The following TGFBR3 variants were observed in gnomAD, a reference collection of about 807,000 sequenced individuals.
TGFBR3 encodes the protein transforming growth factor beta receptor type 3.
A neutral mutation model predicts 87.9 loss-of-function variants in TGFBR3; 46 were observed. The ratio of observed to expected loss-of-function variants is 0.52; its 90% confidence interval spans 0.41 to 0.67. TGFBR3 has a LOEUF of 0.67. Ranked by LOEUF, TGFBR3 falls within the 30% of genes least tolerant of loss-of-function variation. TGFBR3 has a pLI of 0.00. For missense variants in TGFBR3, 866 were observed against 1,041.9 expected, an observed-to-expected ratio of 0.83 and a Z score of 2.32; for synonymous variants, 381 against 391.6, an observed-to-expected ratio of 0.97 and a Z score of 0.32.
At chr1:91,847,692 T>C (rs767919921) in intron 2 of TGFBR3, among the ~76,000 whole-genome samples, 3 of 150,828 alleles carry the variant, frequency 2.0e-5, no homozygotes, top group Admixed American at 6.6e-5. Context: ...AAATGAGGTA[T>C]ACCCAACTTT....
chr1:91,885,865 G>C lies in TGFBR3; in HGVS notation c.-114+13C>G, dbSNP rs185517090. 1,045 of 364,104 alleles carry C rather than the reference G, an allele frequency of 2.9e-3. 18 individuals carry two copies. The highest frequency in any genetic ancestry group is 0.021 in the African/African-American group (976 of 45,630). The allele number at this position is 364,104 out of a possible 1,614,324, so 22.6% of individuals were successfully genotyped here. On this transcript the variant is annotated intron_variant, in intron 1 of 16. Coordinates refer to ENST00000212355, the MANE Select transcript of TGFBR3 (RefSeq NM_003243.5). ...GGCGGGCTGCAGCGCCGCGGGGCTG[G>C]GCCGGCACGTACCTCGGAGGCGGTG...
intron 2 of TGFBR3, among the ~76,000 whole-genome samples, chr1:91,895,789 ACT>A (rs1313208262): frequency 1.3e-5 from 2 of 152,032 alleles, no homozygotes; most frequent in Admixed American, 1.3e-4. Context: ...AAAAAACTCA[ACT>A]CTTGATTCTT....
At chr1:91,833,934 CT>C (rs1477203730) in intron 2 of TGFBR3, among the ~76,000 whole-genome samples, 2 of 152,116 alleles carry the variant, frequency 1.3e-5, no homozygotes, top group East Asian at 1.9e-4. Context: ...TCCAGATTTC[CT>C]TAATCATCTG....
chr1:91,690,735 C>G (rs888208690), intron 16 of TGFBR3, among the ~76,000 whole-genome samples: 3 of 151,928 alleles, frequency 2.0e-5, no homozygotes, highest in Non-Finnish European at 4.4e-5. Context: ...AACAGCCAGT[C>G]CTATACCTTT....
intron 4 of TGFBR3, among the ~76,000 whole-genome samples, chr1:91,755,403 T>C (rs1267206695): frequency 6.6e-6 from 1 of 152,098 alleles, no homozygotes; most frequent in Non-Finnish European, 1.5e-5. Flanking sequence ...GAACAACAGA[T>C]GTTCCATCGT....
intron 1 of TGFBR3, among the ~76,000 whole-genome samples, chr1:91,904,857 C>T (rs538965845): frequency 6.8e-4 from 104 of 152,016 alleles, no homozygotes; most frequent in African/African-American, 2.3e-3. Flanking sequence ...TGAGCCACCG[C>T]GCCCGGCCTA....
At chr1:91,866,306 C>T (rs1678394967) in intron 1 of TGFBR3, among the ~76,000 whole-genome samples, 1 of 152,200 alleles carries the variant, frequency 6.6e-6, no homozygotes, top group African/African-American at 2.4e-5. Context: ...CTAACATGGC[C>T]TGGCTACATC....
rs781041296 is a variant in TGFBR3 at position 91,861,501 on chromosome 1, C to A, written c.31G>T (p.Ala11Ser). The change falls in exon 2 of 17, where the codon GCC becomes TCC. Residue 11 changes from alanine to serine, a missense_variant. Transcript: ENST00000212355. ...GTGGCTAAACAGGAGCTCATCAGGGCAAAGATGGCAATCACATAATGGGAA... is the reference window on the plus strand; with the variant it reads ...GTGGCTAAACAGGAGCTCATCAGGGAAAAGATGGCAATCACATAATGGGAA... Reference protein sequence around the residue: MTSHYVIAIFALMSSCLATAG... With the variant: MTSHYVIAIFSLMSSCLATAG... 1.2e-6 allele frequency: 2 copies of A among 1,613,754 alleles called. No homozygotes were observed. The highest frequency in any genetic ancestry group is 1.7e-5 in the Admixed American group (1 of 60,000).
At chr1:91,887,262 T>TTTTTTTTG (rs1165045165), upstream of TGFBR3, among the ~76,000 whole-genome samples, 52 of 125,268 alleles carry the variant, frequency 4.2e-4, 4 homozygotes, top group African/African-American at 1.7e-3. Context: ...TTTTTTTTTT[T>TTTTTTTTG]TGAGATGGAG....
intron 13 of TGFBR3, among the ~76,000 whole-genome samples, chr1:91,710,630 A>T (rs1413655027): frequency 6.6e-6 from 1 of 152,240 alleles, no homozygotes; most frequent in Non-Finnish European, 1.5e-5. Flanking sequence ...ATAAGCAGCA[A>T]ACAGAAAGAC....
intron 4 of TGFBR3, 102 bp downstream of exon 4, chr1:91,758,511 A>G: frequency 1.5e-6 from 2 of 1,358,974 alleles, no homozygotes; most frequent in South Asian, 2.4e-5. Flanking sequence ...GGACTCTGGC[A>G]TTATTTCAGT....
At chr1:91,892,733 T>C (rs1292575526) in intron 2 of TGFBR3, among the ~76,000 whole-genome samples, 1 of 152,198 alleles carries the variant, frequency 6.6e-6, no homozygotes, top group Admixed American at 6.5e-5. Flanking sequence ...TGAACATGTA[T>C]CATTTTTACC....
chr1:91,722,337 G>A lies in TGFBR3; in HGVS notation c.886-193C>T, dbSNP rs546842043. Among the ~76,000 whole-genome samples, 187 of 152,116 alleles carry A rather than the reference G, an allele frequency of 1.2e-3. 1 individual carries two copies. Among genetic ancestry groups the A allele is most frequent in the African/African-American group, 4.3e-3 (180 of 41,500 alleles). ...TAATAGCCGACTAAAAGACATCTACGTATGCTGCTTGATCATACTATTTGT... is the reference window on the plus strand; with the variant it reads ...TAATAGCCGACTAAAAGACATCTACATATGCTGCTTGATCATACTATTTGT... On this transcript the variant is annotated intron_variant, in intron 7 of 16. Transcript: ENST00000212355.
chr1:91,840,011 T>A (rs1473825000), intron 2 of TGFBR3, among the ~76,000 whole-genome samples: 1 of 151,984 alleles, frequency 6.6e-6, no homozygotes, highest in East Asian at 1.9e-4. Flanking sequence ...AAAAAGTTTT[T>A]AAAAATCACT....
chr1:91,902,271 TTGTGTGTG>T (rs200355608), intron 1 of TGFBR3, among the ~76,000 whole-genome samples: 6 of 148,248 alleles, frequency 4.0e-5, no homozygotes, highest in South Asian at 2.1e-4. Context: ...TCCTTTTCTT[TTGTGTGTG>T]TGTGTGTGTG....
Position 91,712,488 on chromosome 1 carries a change from T to G in TGFBR3, c.1921A>C (p.Ile641Leu), listed in dbSNP as rs1157466400. ...CTATCAGGGTTCGAATATGGAGAGA[T>G]AAAGCACGTTTGGATGGCAAATCCC... Reference protein sequence around the residue: ...ELGFAIQTCFISPYSNPDRMS... With the variant: ...ELGFAIQTCFLSPYSNPDRMS... Residue 641 changes from isoleucine (I) to leucine (L), a missense_variant, in exon 13 of 17, where the codon ATC becomes CTC. Physicochemically the swap from Ile to Leu is conservative, Grantham distance 5. Transcript: ENST00000212355. 1.2e-6 allele frequency: 2 copies of G among 1,614,216 alleles called. No individual in the cohort carries two copies. The highest frequency in any genetic ancestry group is 1.1e-5 in the South Asian group (1 of 91,092).
intron 4 of TGFBR3, among the ~76,000 whole-genome samples, chr1:91,736,960 G>A (rs1188221752): frequency 6.6e-6 from 1 of 152,216 alleles, no homozygotes; most frequent in Non-Finnish European, 1.5e-5. Context: ...CCAGAGGCAA[G>A]AAAGCAAACA....
At chr1:91,690,531 G>A (rs1490038308) in intron 16 of TGFBR3, among the ~76,000 whole-genome samples, 1 of 152,034 alleles carries the variant, frequency 6.6e-6, no homozygotes, top group Non-Finnish European at 1.5e-5. Flanking sequence ...AGAAAGTAGG[G>A]TTCCAGTCCT....
intron 2 of TGFBR3, among the ~76,000 whole-genome samples, chr1:91,896,049 T>G (rs1679545641): frequency 6.6e-6 from 1 of 152,210 alleles, no homozygotes; most frequent in African/African-American, 2.4e-5. Context: ...CCTTGCTTCC[T>G]GTCTTGCTTC....
Sources: gnomAD v4.1 joint callset for allele counts (sites outside exome capture counted in the v4.1 genomes callset) on GRCh38, gnomAD v4.1.1 for gene constraint, MANE v1.5 for transcripts, NCBI Gene and HGNC (gene_info 2026-07-23, HGNC 2026-07-21) for gene names.